CDH10: variants seen among roughly 807,000 people sequenced by gnomAD.
CDH10 encodes the protein cadherin 10.
CDH10 carries 30 observed loss-of-function variants against 73.1 expected under a neutral mutation model. That is an observed-to-expected ratio of 0.41 (90% confidence interval 0.31 to 0.56). The LOEUF is 0.56. Among genes scored for constraint, CDH10 ranks in the 20% least tolerant of loss-of-function variants. The probability of loss-of-function intolerance (pLI) is 0.27; values close to 1 mark genes in which losing one functional copy is unlikely to be tolerated. For synonymous variants in CDH10, 345 were observed against 348.2 expected, an observed-to-expected ratio of 0.99 and a Z score of 0.10; for missense variants, 815 against 973.7, an observed-to-expected ratio of 0.84 and a Z score of 2.17.
intron 2 of CDH10, among the ~76,000 whole-genome samples, chr5:24,564,942 A>T (rs1209023563): frequency 6.6e-6 from 1 of 152,050 alleles, no homozygotes; most frequent in African/African-American, 2.4e-5. Flanking sequence ...CAGTCCATTG[A>T]GTATATGCCC....
rs1743344897 is a variant in CDH10, at chr5:24,521,876, C to T, written c.815-10362G>A. On this transcript the variant is annotated intron_variant, in intron 5 of 11. Coordinates refer to ENST00000264463, the MANE Select transcript of CDH10 (RefSeq NM_006727.5). ...GTAGGCCGTGCCAGGTGGCTCACAC[C>T]TATAATCCCAGCACTTTGGGAGGCT... Among the ~76,000 whole-genome samples the T allele has an allele frequency of 2.0e-5, 3 of 152,154 alleles. No homozygotes were observed. The South Asian group carries it at 6.2e-4, about 32-fold the overall frequency.
At chr5:24,614,679 T>A (rs1047610185) in intron 1 of CDH10, among the ~76,000 whole-genome samples, 2 of 152,180 alleles carry the variant, frequency 1.3e-5, no homozygotes, top group African/African-American at 2.4e-5. Flanking sequence ...ACAGAACCAG[T>A]GACAATTATT....
intron 5 of CDH10, among the ~76,000 whole-genome samples, chr5:24,519,718 T>A (rs1042156174): frequency 3.9e-5 from 6 of 152,190 alleles, no homozygotes; most frequent in African/African-American, 1.4e-4. Context: ...AAGTATGTGG[T>A]AGAATAAAAA....
At chr5:24,614,839 C>T (rs1473822581) in intron 1 of CDH10, among the ~76,000 whole-genome samples, 2 of 152,124 alleles carry the variant, frequency 1.3e-5, no homozygotes, top group Admixed American at 1.3e-4. Flanking sequence ...TCTAATTATT[C>T]TGTGAAAATC....
At chr5:24,526,350 C>A (rs898470064) in intron 5 of CDH10, among the ~76,000 whole-genome samples, 1 of 151,966 alleles carries the variant, frequency 6.6e-6, no homozygotes, top group East Asian at 1.9e-4. Flanking sequence ...CAGTTCATCA[C>A]AGACGGAAAA....
rs114726176 is a variant in CDH10, at chr5:24,594,209, C to G, written c.-123-596G>C. ...TTAGCCTGGGGAACACCTAGAGTTT[C>G]CTTGAGTAGAAAGTAATCACTACTA... On this transcript the variant is annotated intron_variant, in intron 1 of 11. Coordinates refer to ENST00000264463, the MANE Select transcript of CDH10 (RefSeq NM_006727.5). Among the ~76,000 whole-genome samples, 925 of 151,996 alleles carry G rather than the reference C, an allele frequency of 6.1e-3. 6 individuals carry two copies. Among genetic ancestry groups the G allele is most frequent in the Non-Finnish European group, 0.011 (717 of 67,900 alleles).
intron 2 of CDH10, among the ~76,000 whole-genome samples, chr5:24,538,375 G>A (rs190671921): frequency 2.1e-3 from 326 of 152,128 alleles, no homozygotes; most frequent in African/African-American, 7.2e-3. Context: ...AAACCTACAA[G>A]GACAAATTCT....
At chr5:24,544,441 G>A (rs1744267148) in intron 2 of CDH10, among the ~76,000 whole-genome samples, 1 of 152,218 alleles carries the variant, frequency 6.6e-6, no homozygotes, top group South Asian at 2.1e-4. Context: ...CCAGAGGCAA[G>A]TTTTGAAGAT....
intron 1 of CDH10, among the ~76,000 whole-genome samples, chr5:24,640,095 T>C (rs559133080): frequency 1.3e-5 from 2 of 151,948 alleles, no homozygotes; most frequent in East Asian, 3.9e-4. Context: ...GATAGTGTAA[T>C]AAATATAATG....
intron 1 of CDH10, among the ~76,000 whole-genome samples, chr5:24,634,688 T>C (rs1387066737): frequency 6.6e-6 from 1 of 151,764 alleles, no homozygotes; most frequent in Non-Finnish European, 1.5e-5. Flanking sequence ...AAGTATAACT[T>C]TCAGCTAGGT....
chr5:24,514,375 T>A (rs1743029486), intron 5 of CDH10, among the ~76,000 whole-genome samples: 1 of 152,118 alleles, frequency 6.6e-6, no homozygotes, highest in Non-Finnish European at 1.5e-5. Flanking sequence ...ATTATCTTGG[T>A]CTCTTTTAGC....
rs1378671203 is a variant in CDH10, at chr5:24,491,840, T to G, written c.1625-13A>C. The G allele has an allele frequency of 6.4e-7, 1 of 1,554,280 alleles. No homozygotes were observed. The highest frequency in any genetic ancestry group is 8.8e-7 in the Non-Finnish European group (1 of 1,130,828). ...CTGGCAGTATTATCTAAAACAAATT[T>G]TAAAATATTACAAATGGTTTGGGAT... is the stretch of plus-strand genomic sequence containing the variant. On this transcript the variant is annotated splice_polypyrimidine_tract_variant and intron_variant, in intron 10 of 11. Coordinates refer to ENST00000264463, the MANE Select transcript of CDH10 (RefSeq NM_006727.5).
At chr5:24,636,198 T>A (rs1218081530) in intron 1 of CDH10, among the ~76,000 whole-genome samples, 1 of 151,912 alleles carries the variant, frequency 6.6e-6, no homozygotes, top group African/African-American at 2.4e-5. Flanking sequence ...ATGACAATTG[T>A]CCTATGATGT....
At chr5:24,589,181 A>C (rs1746120426) in intron 2 of CDH10, among the ~76,000 whole-genome samples, 1 of 152,152 alleles carries the variant, frequency 6.6e-6, no homozygotes. Context: ...CACTTCATGC[A>C]TAGTGGGTGT....
intron 5 of CDH10, among the ~76,000 whole-genome samples, chr5:24,523,992 TA>T (rs1743434416): frequency 6.6e-6 from 1 of 152,134 alleles, no homozygotes. Context: ...TGAATGCACA[TA>T]AGTACATTAA....
At chr5:24,527,393 T>C (rs1743574147) in intron 5 of CDH10, among the ~76,000 whole-genome samples, 1 of 149,804 alleles carries the variant, frequency 6.7e-6, no homozygotes. Flanking sequence ...TGTACACACA[T>C]ATTATATATA....
At chr5:24,529,426 A>T (rs1406253108) in intron 5 of CDH10, among the ~76,000 whole-genome samples, 1 of 151,986 alleles carries the variant, frequency 6.6e-6, no homozygotes, top group Non-Finnish European at 1.5e-5. Context: ...AAAGTCTTCC[A>T]TCACCTATAA....
At chr5:24,539,883 C>T (rs189567414) in intron 2 of CDH10, among the ~76,000 whole-genome samples, 326 of 152,150 alleles carry the variant, frequency 2.1e-3, no homozygotes, top group African/African-American at 7.2e-3. Flanking sequence ...TTCCAAGTTA[C>T]AGATTTAAGC....
intron 9 of CDH10, among the ~76,000 whole-genome samples, chr5:24,495,530 A>G (rs139959712): frequency 1.4e-4 from 21 of 152,200 alleles, no homozygotes; most frequent in African/African-American, 5.1e-4. Context: ...TCCGTTAATG[A>G]GAACATTTCC....
Sources: allele counts gnomAD v4.1 joint callset (sites outside exome capture counted in the v4.1 genomes callset), GRCh38; gene constraint gnomAD v4.1.1; transcripts MANE v1.5; gene names NCBI Gene and HGNC (gene_info 2026-07-23, HGNC 2026-07-21).